The following MYOF variants were observed in gnomAD, a reference collection of about 807,000 sequenced individuals.
MYOF encodes the protein myoferlin.
Under a neutral mutation model 284.2 loss-of-function variants are expected in MYOF, and 244 were observed. The observed-to-expected ratio is 0.86, with a 90% confidence interval of 0.77 to 0.95. MYOF has a LOEUF of 0.95. Among genes scored for constraint, MYOF ranks in the 40% least tolerant of loss-of-function variants. The pLI, the probability that MYOF is intolerant of heterozygous loss-of-function variation, is 0.00. For missense variants in MYOF, 2,496 were observed against 2,560.6 expected (o/e 0.97, Z 0.54); for synonymous variants, 904 against 919.7 (o/e 0.98, Z 0.31).
chr10:93,422,810 A>G (rs754306489), intron 5 of MYOF, among the ~76,000 whole-genome samples: 5 of 152,144 alleles, frequency 3.3e-5, no homozygotes, highest in Non-Finnish European at 5.9e-5. Context: ...AAATAAAATA[A>G]AATAAACCCA....
chr10:93,328,837 A>T lies in MYOF; in HGVS notation c.5057T>A (p.Phe1686Tyr). The T allele has an allele frequency of 6.2e-7, 1 of 1,613,718 alleles. No individual in the cohort carries two copies. Among genetic ancestry groups the T allele is most frequent in the Non-Finnish European group, 8.5e-7 (1 of 1,179,712 alleles). ...LLQNVARFKGFPQPILSEDGS... is the reference protein window; with the variant it reads ...LLQNVARFKGYPQPILSEDGS... The stretch of plus-strand genomic sequence containing the variant: ...ATCTTCGGAAAGGATGGGTTGTGGG[A>T]AGCCTTTGAATCTGGCGACATTTTG... The change falls in exon 45 of 54, where the codon TTC (phenylalanine) becomes TAC (tyrosine). Residue 1686 changes from phenylalanine to tyrosine, a missense_variant. Transcript: ENST00000359263.
Position 93,313,112 on chromosome 10 carries a change from G to A in MYOF, c.5797C>T (p.Leu1933Phe), listed in dbSNP as rs373595278. 1 of 1,614,094 alleles carries A rather than the reference G, an allele frequency of 6.2e-7. No homozygotes were observed. Residue 1933 changes from leucine to phenylalanine, a missense_variant, in exon 51 of 54, where the codon CTT becomes TTT. By Grantham distance (22) the Leu-to-Phe change is conservative (BLOSUM62 0). Transcript: ENST00000359263. ...AAGAGGGAGGCTGTCTTGGCTTTAAGGGGGTTCATGGCTTTGAGGTCCGGA... is the reference window on the plus strand; with the variant it reads ...AAGAGGGAGGCTGTCTTGGCTTTAAAGGGGTTCATGGCTTTGAGGTCCGGA... ...MIPDLKAMNPLKAKTASLFEQ... is the reference protein window; with the variant it reads ...MIPDLKAMNPFKAKTASLFEQ...
chr10:93,402,515 A>T (rs1376999567), intron 10 of MYOF, among the ~76,000 whole-genome samples, 168 bp from the exon 11 acceptor site: 3 of 152,090 alleles, frequency 2.0e-5, no homozygotes, highest in Admixed American at 1.3e-4. Context: ...TACTCTCCCT[A>T]CACCCCACCC....
At chr10:93,471,669 A>G (rs2057148776) in intron 1 of MYOF, among the ~76,000 whole-genome samples, 1 of 152,192 alleles carries the variant, frequency 6.6e-6, no homozygotes, top group Non-Finnish European at 1.5e-5. Flanking sequence ...TGGGCGGATC[A>G]CCTGAGGTCA....
chr10:93,435,340 C>T (rs1784521282), intron 3 of MYOF, among the ~76,000 whole-genome samples: 1 of 152,178 alleles, frequency 6.6e-6, no homozygotes, highest in South Asian at 2.1e-4. Context: ...GCACTACTGA[C>T]ATTTTGAACC....
chr10:93,397,343 TTAAG>T (rs1438339957), intron 14 of MYOF, 41 bp downstream of exon 14: 19 of 1,584,364 alleles, frequency 1.2e-5, no homozygotes, highest in South Asian at 6.8e-5. Flanking sequence ...TTAGTAATTA[TTAAG>T]TAAGTATTCT....
At chr10:93,365,981 G>T (rs1226718319) in intron 26 of MYOF, among the ~76,000 whole-genome samples, 3 of 152,214 alleles carry the variant, frequency 2.0e-5, no homozygotes, top group Admixed American at 2.0e-4. Flanking sequence ...TGCTATTGCT[G>T]TGGGCAATAA....
chr10:93,382,850 CCA>C lies in MYOF; in HGVS notation c.1699-1456_1699-1455del, dbSNP rs1190714724. On this transcript the variant is annotated intron_variant, in intron 19 of 53. Coordinates refer to ENST00000359263, the MANE Select transcript of MYOF (RefSeq NM_013451.4). ...GTCTATTCTAGAACTCTGGTGGTAC[CCA>C]GTCTCTGCGTTCAATTATTTTGGGT... Among the ~76,000 whole-genome samples the C allele has an allele frequency of 1.6e-4, 25 of 152,156 alleles. 1 individual carries two copies. Among genetic ancestry groups the C allele is most frequent in the African/African-American group, 5.1e-4 (21 of 41,428 alleles).
intron 45 of MYOF, among the ~76,000 whole-genome samples, chr10:93,327,231 G>T (rs969519390): frequency 5.3e-5 from 8 of 152,016 alleles, no homozygotes; most frequent in African/African-American, 1.5e-4. Flanking sequence ...CAACACAACT[G>T]CCAGCTGTGT....
chr10:93,376,768 C>T (rs927681088), intron 22 of MYOF, among the ~76,000 whole-genome samples: 2 of 152,136 alleles, frequency 1.3e-5, no homozygotes, highest in Non-Finnish European at 2.9e-5. Flanking sequence ...GCTGTTTCCC[C>T]GAATCAGTTA....
At chr10:93,423,382 G>C (rs559882899) in intron 5 of MYOF, among the ~76,000 whole-genome samples, 1 of 151,532 alleles carries the variant, frequency 6.6e-6, no homozygotes, top group African/African-American at 2.4e-5. Flanking sequence ...CAAAAATTAA[G>C]CGGGTGTGGT....
At chr10:93,439,429 G>C (rs2056177602) in intron 3 of MYOF, among the ~76,000 whole-genome samples, 1 of 152,170 alleles carries the variant, frequency 6.6e-6, no homozygotes, top group South Asian at 2.1e-4. Context: ...GTGGAGTTCC[G>C]ATGCTCTGTC....
chr10:93,450,434 T>A (rs921792919), intron 3 of MYOF, among the ~76,000 whole-genome samples: 1 of 151,236 alleles, frequency 6.6e-6, no homozygotes, highest in African/African-American at 2.4e-5. Context: ...ATTAGCCAGG[T>A]GGAGAGGTGC....
Position 93,373,072 on chromosome 10 carries a change from A to C in MYOF, c.2315T>G (p.Met772Arg), listed in dbSNP as rs1845665012. Residue 772 changes from methionine (M) to arginine (R), a missense_variant, in exon 24 of 54, where the codon ATG becomes AGG. Transcript: ENST00000359263. Reference protein sequence around the residue: ...MQLTEEPQNSMPDIIIWMIRG... With the variant: ...MQLTEEPQNSRPDIIIWMIRG... ...GATCATCCAGATGATGATGTCAGGC[A>C]TGCTGTTCTGTGGCTGGTCATGAGG... 6.2e-7 allele frequency: 1 copy of C among 1,614,184 alleles called. No homozygotes were observed. Among genetic ancestry groups the C allele is most frequent in the Non-Finnish European group, 8.5e-7 (1 of 1,180,018 alleles).
At chr10:93,317,909 T>A (rs545894167) in intron 49 of MYOF, among the ~76,000 whole-genome samples, 3 of 152,204 alleles carry the variant, frequency 2.0e-5, no homozygotes, top group Non-Finnish European at 2.9e-5. Context: ...AGGAATGTTT[T>A]CCTTTGCAGG....
At chr10:93,443,947 A>G (rs11187429) in intron 3 of MYOF, among the ~76,000 whole-genome samples, 10,229 of 152,226 alleles carry the variant, frequency 0.067, 1,314 homozygotes, top group East Asian at 0.64. Context: ...TGGCTCCAGA[A>G]TCCCAACTTT....
intron 5 of MYOF, among the ~76,000 whole-genome samples, chr10:93,417,513 G>A (rs569546162): frequency 3.9e-5 from 6 of 152,102 alleles, no homozygotes; most frequent in African/African-American, 7.2e-5. Flanking sequence ...GTTTGCCTTT[G>A]GCATCCCCAA....
intron 3 of MYOF, among the ~76,000 whole-genome samples, chr10:93,442,152 C>T (rs939211242): frequency 3.9e-5 from 6 of 152,030 alleles, no homozygotes; most frequent in African/African-American, 1.5e-4. Context: ...ATTTAATGAA[C>T]CTCTTTCAGC....
intron 4 of MYOF, among the ~76,000 whole-genome samples, chr10:93,430,963 CCTTTT>C (rs771601876): frequency 3.3e-5 from 5 of 151,920 alleles, no homozygotes; most frequent in African/African-American, 4.8e-5. Flanking sequence ...GATACCTTTT[CCTTTT>C]CTTTTCTTTT....
Sources: allele counts gnomAD v4.1 joint callset (sites outside exome capture counted in the v4.1 genomes callset), GRCh38; gene constraint gnomAD v4.1.1; transcripts MANE v1.5; gene names NCBI Gene and HGNC (gene_info 2026-07-23, HGNC 2026-07-21).